The following CEP112 variants were observed in gnomAD, a reference collection of about 807,000 sequenced individuals.
CEP112 encodes the protein centrosomal protein 112.
Under a neutral mutation model 153.0 loss-of-function variants are expected in CEP112, and 127 were observed. The observed-to-expected ratio is 0.83, with a 90% CI of 0.72 to 0.96. The LOEUF (loss-of-function observed/expected upper bound fraction) is 0.96. Among genes scored for constraint, CEP112 ranks in the 40% least tolerant of loss-of-function variants. The probability of loss-of-function intolerance (pLI) is 0.00; values close to 1 mark genes in which losing one functional copy is unlikely to be tolerated. For missense variants in CEP112, 1,089 were observed against 1,101.2 expected (o/e 0.99, Z 0.16); for synonymous variants, 358 against 374.4 (o/e 0.96, Z 0.51).
chr17:66,127,682 G>A (rs2069913896), intron 6 of CEP112, among the ~76,000 whole-genome samples: 1 of 152,034 alleles, frequency 6.6e-6, no homozygotes, highest in South Asian at 2.1e-4. Context: ...GTCTCCGGGC[G>A]CAGCTGCCTC....
intron 20 of CEP112, among the ~76,000 whole-genome samples, chr17:65,867,347 T>C (rs1206764017): frequency 6.6e-6 from 1 of 152,076 alleles, no homozygotes; most frequent in Non-Finnish European, 1.5e-5. Flanking sequence ...GCCAAGTGGG[T>C]GAAACAAACC....
chr17:65,742,650 T>A (rs146714099), intron 23 of CEP112, among the ~76,000 whole-genome samples: 177 of 152,064 alleles, frequency 1.2e-3, no homozygotes, highest in African/African-American at 3.9e-3. Flanking sequence ...TCGAACAGGT[T>A]ATTTCTCATT....
At chr17:65,894,425 A>C (rs1225193176) in intron 20 of CEP112, among the ~76,000 whole-genome samples, 1 of 152,084 alleles carries the variant, frequency 6.6e-6, no homozygotes, top group African/African-American at 2.4e-5. Context: ...TTTGAACTTC[A>C]TAATCCTTGA....
chr17:66,177,267 A>C (rs896757193), intron 2 of CEP112, among the ~76,000 whole-genome samples: 1 of 152,222 alleles, frequency 6.6e-6, no homozygotes, highest in African/African-American at 2.4e-5. Context: ...GTTCCAATAA[A>C]ACCTGGCAAA....
At chr17:66,073,715 T>G (rs1053769477) in intron 8 of CEP112, among the ~76,000 whole-genome samples, 1 of 152,214 alleles carries the variant, frequency 6.6e-6, no homozygotes, top group Non-Finnish European at 1.5e-5. Flanking sequence ...ACAGGTCCCA[T>G]GGTGTTGGAT....
intron 18 of CEP112, among the ~76,000 whole-genome samples, chr17:65,939,285 T>G (rs566877392): frequency 1.1e-4 from 16 of 151,976 alleles, no homozygotes; most frequent in Non-Finnish European, 2.2e-4. Flanking sequence ...TCAGAAGAAT[T>G]AATAGTGTTA....
chr17:65,783,782 G>A (rs2054125948), intron 21 of CEP112, among the ~76,000 whole-genome samples: 1 of 152,180 alleles, frequency 6.6e-6, no homozygotes, highest in South Asian at 2.1e-4. Flanking sequence ...TTGCTTTATA[G>A]TTGAATTTCC....
intron 18 of CEP112, among the ~76,000 whole-genome samples, chr17:65,950,093 C>T (rs937632713): frequency 3.7e-4 from 57 of 152,110 alleles, no homozygotes; most frequent in African/African-American, 1.3e-3. Flanking sequence ...AATGATCCTT[C>T]AAAAAGGTTA....
chr17:65,759,704 G>A (rs915769561), intron 21 of CEP112, among the ~76,000 whole-genome samples: 1 of 152,154 alleles, frequency 6.6e-6, no homozygotes, highest in East Asian at 1.9e-4. Flanking sequence ...GGAAGCAGAG[G>A]ATTGTGACCC....
Position 65,999,802 on chromosome 17 carries a change from T to C in CEP112, c.1736+5888A>G, listed in dbSNP as rs564294861. Among the ~76,000 whole-genome samples the C allele has an allele frequency of 5.3e-5, 8 of 152,188 alleles. No individual in the cohort carries two copies. In the South Asian group the frequency reaches 1.5e-3, roughly 28 times the overall value. ...GTTCTTATCATTTAGCTCCCACTTA[T>C]GAGTGACAACATGCGGTATTTGGTT... is the stretch of plus-strand genomic sequence containing the variant. On this transcript the variant is annotated intron_variant, in intron 17 of 26. Coordinates refer to ENST00000535342, the MANE Select transcript of CEP112 (RefSeq NM_001199165.4).
At chr17:66,016,745 G>A (rs2064792435) in intron 16 of CEP112, among the ~76,000 whole-genome samples, 1 of 151,950 alleles carries the variant, frequency 6.6e-6, no homozygotes, top group African/African-American at 2.4e-5. Flanking sequence ...ATTTACTGTT[G>A]ATTTTTTTTT....
chr17:66,109,899 G>A (rs535672152), intron 6 of CEP112, among the ~76,000 whole-genome samples: 22 of 152,306 alleles, frequency 1.4e-4, no homozygotes, highest in Middle Eastern at 3.4e-3. Context: ...GTTGGCTCAC[G>A]CCTGTAATCC....
At chr17:66,111,842 A>G (rs1048565517) in intron 6 of CEP112, among the ~76,000 whole-genome samples, 4 of 151,090 alleles carry the variant, frequency 2.6e-5, no homozygotes, top group Admixed American at 2.6e-4. Flanking sequence ...TAAATGTTTT[A>G]AAAAAGCATC....
chr17:65,825,371 C>T (rs1333616947), intron 21 of CEP112, among the ~76,000 whole-genome samples: 4 of 152,170 alleles, frequency 2.6e-5, no homozygotes, highest in African/African-American at 9.7e-5. Context: ...AACAGTTCCA[C>T]CTCAGATCAT....
intron 1 of CEP112, among the ~76,000 whole-genome samples, chr17:66,189,802 G>A (rs2073093591): frequency 6.6e-6 from 1 of 152,058 alleles, no homozygotes; most frequent in African/African-American, 2.4e-5. Context: ...AGGCCAAGGT[G>A]AGTGGATCAT....
chr17:65,703,730 A>G (rs867227383), intron 23 of CEP112, among the ~76,000 whole-genome samples: 2 of 146,078 alleles, frequency 1.4e-5, no homozygotes, highest in African/African-American at 5.1e-5. Flanking sequence ...TATTACTTCC[A>G]TCCTTCAAAA....
intron 4 of CEP112, among the ~76,000 whole-genome samples, chr17:66,134,504 G>A (rs229853): frequency 0.32 from 49,071 of 152,044 alleles, 9,564 homozygotes; most frequent in East Asian, 0.83. Flanking sequence ...TAAAACATTA[G>A]AGATAGTAGT....
chr17:66,174,955 T>TA (rs373236006), intron 4 of CEP112, 89 bp downstream of exon 4: 166 of 911,532 alleles, frequency 1.8e-4, no homozygotes, highest in Non-Finnish European at 2.2e-4. Context: ...ACTTCCATTA[T>TA]AAAAAAAAGG....
intron 21 of CEP112, among the ~76,000 whole-genome samples, chr17:65,843,533 G>C (rs1953429373): frequency 6.6e-6 from 1 of 152,162 alleles, no homozygotes; most frequent in South Asian, 2.1e-4. Context: ...GTCTTCATAA[G>C]TTAATATTAA....
Sources: allele counts gnomAD v4.1 joint callset (sites outside exome capture counted in the v4.1 genomes callset), GRCh38; gene constraint gnomAD v4.1.1; transcripts MANE v1.5; gene names NCBI Gene and HGNC (gene_info 2026-07-23, HGNC 2026-07-21).